TEAD1: variants seen among roughly 807,000 people sequenced by gnomAD.
TEAD1 encodes TEA domain transcription factor 1.
A neutral mutation model predicts 54.9 loss-of-function variants in TEAD1; 9 were observed. That is an observed-to-expected ratio of 0.16 (90% CI 0.10 to 0.29). The LOEUF (loss-of-function observed/expected upper bound fraction) is 0.29, where lower values mean the gene tolerates loss of function less well. TEAD1 is among the 10% of genes least tolerant of loss of function. The pLI is 1.00. For synonymous variants in TEAD1, 200 were observed against 187.8 expected (o/e 1.07, Z -0.53); for missense variants, 387 against 535.9 (o/e 0.72, Z 2.74).
In TEAD1 at chr11:12,814,777, C is replaced by CTGTG. The variant is rs397842274; in HGVS notation, c.203-47413_203-47410dup. On this transcript the variant is annotated intron_variant, in intron 3 of 12. Coordinates refer to ENST00000527636, the MANE Select transcript of TEAD1 (RefSeq NM_021961.6). Reference sequence around the variant, plus strand: ...AGCCACCCCTGACCATCGCAGAGCTCTGTGTGTGTGTGTGTGTGTGTGTGT... The same window carrying CTGTG: ...AGCCACCCCTGACCATCGCAGAGCTCTGTGTGTGTGTGTGTGTGTGTGTGTGTGT... Among the ~76,000 whole-genome samples the CTGTG allele has an allele frequency of 2.7e-3, 289 of 106,150 alleles. 3 individuals are homozygous for CTGTG. The highest frequency in any genetic ancestry group is 7.7e-3 in the African/African-American group (227 of 29,358). The allele number at this position is 106,150 out of a possible 152,430, so 69.6% of individuals were successfully genotyped here.
At chr11:12,831,614 C>T (rs1564955912) in intron 3 of TEAD1, among the ~76,000 whole-genome samples, 1 of 151,966 alleles carries the variant, frequency 6.6e-6, no homozygotes, top group African/African-American at 2.4e-5. Context: ...CTTATCTCTA[C>T]AAACAATTTT....
chr11:12,762,799 C>T (rs1313034464), intron 2 of TEAD1, among the ~76,000 whole-genome samples: 2 of 152,136 alleles, frequency 1.3e-5, no homozygotes, highest in Non-Finnish European at 2.9e-5. Context: ...GCACAGGATA[C>T]AGTTGGGAGA....
chr11:12,724,272 C>T (rs1314812706), intron 2 of TEAD1, among the ~76,000 whole-genome samples: 2 of 152,064 alleles, frequency 1.3e-5, no homozygotes, highest in African/African-American at 2.4e-5. Flanking sequence ...TAGGAGAATC[C>T]GATATTGGCA....
chr11:12,943,156 C>T lies in TEAD1; in HGVS notation c.*5934C>T, dbSNP rs1313484682. On this transcript the variant is annotated 3_prime_UTR_variant, in exon 13 of 13. Transcript: ENST00000527636. ...AAATTTTAGGAGTGATTCTTATCCA[C>T]TCCAAGTTGTAAGTATTTGTAGAAA... 1 of 152,284 alleles carries T rather than the reference C, an allele frequency of 6.6e-6. No individual in the cohort carries two copies. Among genetic ancestry groups the T allele is most frequent in the South Asian group, 2.1e-4 (1 of 4,832 alleles). The allele number at this position is 152,284 out of a possible 1,614,324, so 9.4% of individuals were successfully genotyped here.
At chr11:12,755,164 A>G (rs965360615) in intron 2 of TEAD1, among the ~76,000 whole-genome samples, 2 of 152,168 alleles carry the variant, frequency 1.3e-5, no homozygotes, top group Non-Finnish European at 2.9e-5. Context: ...GCATTTACCT[A>G]TAGACTTCCC....
At chr11:12,749,622 G>T (rs780921764) in intron 2 of TEAD1, among the ~76,000 whole-genome samples, 2 of 152,176 alleles carry the variant, frequency 1.3e-5, no homozygotes, top group African/African-American at 4.8e-5. Context: ...AGGAGAAGGC[G>T]CAGGCCTGAT....
chr11:12,850,853 A>G (rs1315303325), intron 3 of TEAD1, among the ~76,000 whole-genome samples: 2 of 152,136 alleles, frequency 1.3e-5, no homozygotes, highest in African/African-American at 2.4e-5. Context: ...CCAGGTCTCT[A>G]TGGCTGTGGC....
intron 9 of TEAD1, among the ~76,000 whole-genome samples, chr11:12,893,576 C>T (rs948731795): frequency 1.6e-4 from 24 of 152,224 alleles, no homozygotes; most frequent in African/African-American, 4.3e-4. Context: ...CCGCACCCCA[C>T]GCACCTTCCT....
At chr11:12,916,693 A>G (rs1948719296) in intron 10 of TEAD1, among the ~76,000 whole-genome samples, 1 of 152,266 alleles carries the variant, frequency 6.6e-6, no homozygotes, top group South Asian at 2.1e-4. Flanking sequence ...CTGTCAGTCC[A>G]GTGTCTGAGA....
At chr11:12,773,534 T>C (rs536769206) in intron 3 of TEAD1, among the ~76,000 whole-genome samples, 1 of 152,382 alleles carries the variant, frequency 6.6e-6, no homozygotes, top group Non-Finnish European at 1.5e-5. Context: ...GAACATCTTT[T>C]CATGTGCTTA....
At chr11:12,877,911 C>T (rs986703110) in intron 5 of TEAD1, among the ~76,000 whole-genome samples, 8 of 152,142 alleles carry the variant, frequency 5.3e-5, no homozygotes, top group Admixed American at 3.3e-4. Context: ...AGTCCTCCCA[C>T]CTCAGGCTCT....
chr11:12,892,732 G>A (rs1336833402), intron 9 of TEAD1, among the ~76,000 whole-genome samples: 2 of 152,208 alleles, frequency 1.3e-5, no homozygotes, highest in African/African-American at 4.8e-5. Flanking sequence ...TTTATCCTGG[G>A]CAGGACAGAG....
chr11:12,739,624 AG>A (rs1944611929), intron 2 of TEAD1, among the ~76,000 whole-genome samples: 1 of 152,186 alleles, frequency 6.6e-6, no homozygotes, highest in African/African-American at 2.4e-5. Flanking sequence ...TTCCTTTTCA[AG>A]GCTGGATAAT....
chr11:12,897,151 C>T (rs1440283), intron 9 of TEAD1, among the ~76,000 whole-genome samples: 149,449 of 152,124 alleles, frequency 0.98, 73,388 homozygotes, highest in East Asian at 1. Context: ...CCAGTTTTCT[C>T]TTATGAGTAT....
intron 3 of TEAD1, among the ~76,000 whole-genome samples, chr11:12,853,949 TTAA>T (rs1235626352): frequency 6.6e-6 from 1 of 152,194 alleles, no homozygotes; most frequent in African/African-American, 2.4e-5. Context: ...GCTGTTTTTT[TTAA>T]TAAGCCCCTG....
chr11:12,781,837 T>C, intron 3 of TEAD1, among the ~76,000 whole-genome samples: 1 of 149,082 alleles, frequency 6.7e-6, no homozygotes, highest in Non-Finnish European at 1.5e-5. Flanking sequence ...CAAACACTTG[T>C]ACATTAGGGG....
chr11:12,770,296 T>C (rs1037121001), intron 3 of TEAD1, among the ~76,000 whole-genome samples: 5 of 152,090 alleles, frequency 3.3e-5, no homozygotes, highest in Non-Finnish European at 5.9e-5. Flanking sequence ...GGGTACAAAG[T>C]AGCTAATTAA....
At chr11:12,917,342 G>A (rs1948733494) in intron 10 of TEAD1, among the ~76,000 whole-genome samples, 7 of 152,166 alleles carry the variant, frequency 4.6e-5, no homozygotes, top group Admixed American at 4.6e-4. Flanking sequence ...GTCTAGTAAG[G>A]AGTTGCGTCC....
At chr11:12,780,089 T>C (rs1945511922) in intron 3 of TEAD1, among the ~76,000 whole-genome samples, 1 of 152,080 alleles carries the variant, frequency 6.6e-6, no homozygotes, top group South Asian at 2.1e-4. Context: ...TAAAAATTAC[T>C]CAGATTGGGA....
Sources: gnomAD v4.1 joint callset for allele counts (sites outside exome capture counted in the v4.1 genomes callset) on GRCh38, gnomAD v4.1.1 for gene constraint, MANE v1.5 for transcripts, NCBI Gene and HGNC (gene_info 2026-07-23, HGNC 2026-07-21) for gene names.